The following RETREG1 variants were observed in gnomAD, a reference collection of about 807,000 sequenced individuals.
RETREG1 encodes the protein reticulophagy regulator 1.
In RETREG1, 44 loss-of-function variants were observed where a neutral mutation model predicts 54.8. The observed-to-expected ratio is 0.80, with a 90% CI of 0.63 to 1.03. The LOEUF (loss-of-function observed/expected upper bound fraction) is 1.03. RETREG1 is among the 50% of genes least tolerant of loss of function. The pLI, the probability that RETREG1 is intolerant of heterozygous loss-of-function variation, is 0.00. For missense variants in RETREG1, 554 were observed against 605.1 expected (o/e 0.92, Z 0.89); for synonymous variants, 217 against 238.5 (o/e 0.91, Z 0.83).
chr5:16,510,203 A>G (rs1740125741), intron 3 of RETREG1, among the ~76,000 whole-genome samples: 1 of 152,198 alleles, frequency 6.6e-6, no homozygotes, highest in Non-Finnish European at 1.5e-5. Flanking sequence ...TTATTTTGTG[A>G]TGTATGCATC....
chr5:16,522,321 C>T (rs537474239), intron 3 of RETREG1, among the ~76,000 whole-genome samples: 1 of 152,174 alleles, frequency 6.6e-6, no homozygotes, highest in South Asian at 2.1e-4. Flanking sequence ...TTGCCTCAGT[C>T]GCTGTCTGGA....
chr5:16,549,265 A>G (rs112310175), intron 3 of RETREG1, among the ~76,000 whole-genome samples: 1 of 152,210 alleles, frequency 6.6e-6, no homozygotes, highest in Non-Finnish European at 1.5e-5. Flanking sequence ...GCCTTCATCA[A>G]AGAACAAGAC....
intron 1 of RETREG1, among the ~76,000 whole-genome samples, chr5:16,613,200 T>A (rs761699696): frequency 7.2e-5 from 11 of 152,114 alleles, no homozygotes; most frequent in Non-Finnish European, 1.5e-4. Flanking sequence ...GCCAACCTTA[T>A]CTCCCACTAC....
intron 1 of RETREG1, among the ~76,000 whole-genome samples, chr5:16,604,079 A>G: frequency 6.6e-6 from 1 of 152,240 alleles, no homozygotes; most frequent in Non-Finnish European, 1.5e-5. Context: ...TGTAAAGCAG[A>G]TGGAGATAGC....
intron 1 of RETREG1, among the ~76,000 whole-genome samples, chr5:16,591,043 T>C (rs1742759742): frequency 6.6e-6 from 1 of 152,156 alleles, no homozygotes. Flanking sequence ...AGAACTTAAA[T>C]ATCTATCATA....
chr5:16,599,003 C>A (rs1241380048), intron 1 of RETREG1, among the ~76,000 whole-genome samples: 2 of 152,080 alleles, frequency 1.3e-5, no homozygotes, highest in African/African-American at 4.8e-5. Flanking sequence ...CTGGCTCAAT[C>A]AGGAGTTGAG....
At chr5:16,590,311 G>A (rs1463355167) in intron 1 of RETREG1, among the ~76,000 whole-genome samples, 1 of 152,120 alleles carries the variant, frequency 6.6e-6, no homozygotes, top group Non-Finnish European at 1.5e-5. Flanking sequence ...AGCGCCTGCG[G>A]TAACAAAAAA....
At chr5:16,606,896 A>AT in intron 1 of RETREG1, among the ~76,000 whole-genome samples, 1 of 152,160 alleles carries the variant, frequency 6.6e-6, no homozygotes, top group East Asian at 1.9e-4. Context: ...TCTGAGCTGA[A>AT]TGAACACTGT....
intron 3 of RETREG1, among the ~76,000 whole-genome samples, chr5:16,500,882 G>A (rs973184545): frequency 6.6e-6 from 1 of 152,098 alleles, no homozygotes; most frequent in Non-Finnish European, 1.5e-5. Context: ...TGTTTAGGGA[G>A]CTGGAGCTTC....
At chr5:16,576,333 G>A (rs375339766) in intron 1 of RETREG1, among the ~76,000 whole-genome samples, 1 of 136,288 alleles carries the variant, frequency 7.3e-6, no homozygotes, top group South Asian at 2.2e-4. Context: ...TTGCTCTGTC[G>A]CCAGGCTGGA....
At chr5:16,560,832 G>T (rs1414876030) in intron 3 of RETREG1, among the ~76,000 whole-genome samples, 1 of 152,148 alleles carries the variant, frequency 6.6e-6, no homozygotes, top group African/African-American at 2.4e-5. Flanking sequence ...AAGAATCACT[G>T]CAGACAACAT....
Position 16,565,745 on chromosome 5 carries a change from G to A in RETREG1, c.458+18C>T, listed in dbSNP as rs766600823. ...ACCCTCCCTCCATTAAGCACAACAC[G>A]GAAAGAAAGTTCCCTACCTTTCACT... is the stretch of plus-strand genomic sequence containing the variant. On this transcript the variant is annotated intron_variant, in intron 3 of 8. Coordinates refer to ENST00000306320, the MANE Select transcript of RETREG1 (RefSeq NM_001034850.3). 30 of 1,613,704 alleles carry A rather than the reference G, an allele frequency of 1.9e-5. No homozygotes were observed. The highest frequency in any genetic ancestry group is 5.5e-5 in the South Asian group (5 of 91,008).
At chr5:16,565,363 T>C (rs1467889289) in intron 3 of RETREG1, among the ~76,000 whole-genome samples, 1 of 152,176 alleles carries the variant, frequency 6.6e-6, no homozygotes, top group Non-Finnish European at 1.5e-5. Flanking sequence ...ACTGACAGCA[T>C]GGCTAACCCT....
intron 3 of RETREG1, among the ~76,000 whole-genome samples, chr5:16,499,921 C>T (rs1010711091): frequency 6.6e-6 from 1 of 152,330 alleles, no homozygotes; most frequent in East Asian, 1.9e-4. Context: ...CCCTGCACCC[C>T]ACTGACACAA....
chr5:16,529,074 T>C (rs1205003526), intron 3 of RETREG1, among the ~76,000 whole-genome samples: 1 of 152,242 alleles, frequency 6.6e-6, no homozygotes, highest in African/African-American at 2.4e-5. Flanking sequence ...ATTCTCACTT[T>C]AGGTATTTTC....
At position 16,477,812 on chromosome 5, in the gene RETREG1, A is replaced by C. The variant is rs202071381; in HGVS notation, c.874-24T>G. The C allele has an allele frequency of 1.4e-4, 228 of 1,613,034 alleles. No individual in the cohort carries two copies. In the African/African-American group the frequency reaches 2.8e-3, roughly 20 times the overall value. ...ATCTGTGTTAATATAAATAAATACC[A>C]GCGGCACATTTTAAACTGCTGAAGG... On this transcript the variant is annotated intron_variant, in intron 7 of 8. Transcript: ENST00000306320.
chr5:16,601,365 G>GA (rs540823588), intron 1 of RETREG1, among the ~76,000 whole-genome samples: 2 of 72,564 alleles, frequency 2.8e-5, no homozygotes, highest in East Asian at 6.3e-4. Flanking sequence ...TAAAAAAGAG[G>GA]AAAAAAAACA....
At chr5:16,534,847 AAAT>A (rs1210784243) in intron 3 of RETREG1, among the ~76,000 whole-genome samples, 4 of 152,222 alleles carry the variant, frequency 2.6e-5, no homozygotes, top group Non-Finnish European at 4.4e-5. Flanking sequence ...CTTCTTCTGT[AAAT>A]AATGATCTCT....
Position 16,593,360 on chromosome 5 carries a change from C to T in RETREG1, c.321-21258G>A, listed in dbSNP as rs1300639806. Among the ~76,000 whole-genome samples, 1 of 152,196 alleles carries T rather than the reference C, an allele frequency of 6.6e-6. No individual in the cohort carries two copies. The highest frequency in any genetic ancestry group is 1.5e-5 in the Non-Finnish European group (1 of 68,042). ...AGCTCTGTGAGAGAAGGGACCATCT[C>T]TCCTGTTCACCACTGTCACCCAAGC... On this transcript the variant is annotated intron_variant, in intron 1 of 8. Transcript: ENST00000306320. This position sits in a 1 kb window ranked among gnomAD's most constrained non-coding sequence, Gnocchi z 4.9.
Sources: allele counts gnomAD v4.1 joint callset (sites outside exome capture counted in the v4.1 genomes callset), GRCh38; gene constraint gnomAD v4.1.1; non-coding constraint Gnocchi (gnomAD v3.1); transcripts MANE v1.5; gene names NCBI Gene and HGNC (gene_info 2026-07-23, HGNC 2026-07-21).